The following NAALADL2 variants were observed in gnomAD, a reference collection of about 807,000 sequenced individuals.
NAALADL2 encodes the protein N-acetylated alpha-linked acidic dipeptidase like 2.
Under a neutral mutation model 87.2 loss-of-function variants are expected in NAALADL2, and 76 were observed. That is an observed-to-expected ratio of 0.87 (90% CI 0.72 to 1.05). The LOEUF is 1.05. Ranked by LOEUF, NAALADL2 falls within the 50% of genes least tolerant of loss-of-function variation. The pLI is 0.00. For synonymous variants in NAALADL2, 354 were observed against 331.0 expected (o/e 1.07, Z -0.75); for missense variants, 1,089 against 945.8 (o/e 1.15, Z -1.99).
intron 4 of NAALADL2, among the ~76,000 whole-genome samples, chr3:175,285,026 C>T (rs1754809910): frequency 6.6e-6 from 1 of 152,106 alleles, no homozygotes; most frequent in Non-Finnish European, 1.5e-5. Context: ...CTTTGCCTCC[C>T]ATATTATGTG....
chr3:175,366,113 G>T lies in NAALADL2; in HGVS notation c.1090+41788G>T, dbSNP rs1261410706. 1.2e-4 allele frequency among the ~76,000 whole-genome samples: 16 copies of T among 132,568 alleles called. 2 individuals carry two copies. Among genetic ancestry groups the T allele is most frequent in the Admixed American group, 3.4e-4 (4 of 11,816 alleles). The allele number at this position is 132,568 out of a possible 152,430, so 87.0% of individuals were successfully genotyped here. A position where few individuals can be genotyped will look rare whatever the true frequency, so the allele number is the denominator to read the frequency against. On this transcript the variant is annotated intron_variant, in intron 5 of 13. Transcript: ENST00000454872. Reference sequence around the variant, plus strand: ...TGTGAGTGAGAACATGCAGTGTTTGGTTTTTTGTCCTTGCGATAGTTTACT... The same window carrying T: ...TGTGAGTGAGAACATGCAGTGTTTGTTTTTTTGTCCTTGCGATAGTTTACT...
At chr3:175,386,926 G>A (rs974941046) in intron 5 of NAALADL2, among the ~76,000 whole-genome samples, 1 of 152,038 alleles carries the variant, frequency 6.6e-6, no homozygotes, top group African/African-American at 2.4e-5. Flanking sequence ...ATTTGGATAT[G>A]CCAAAGAGAA....
At position 174,866,811 on chromosome 3, in the gene NAALADL2, A is replaced by C. The variant is rs866711586; in HGVS notation, c.43+7361A>C. On this transcript the variant is annotated intron_variant, in intron 1 of 13. Transcript: ENST00000454872. ...GGTAAATAGGAATTTGGAGAAAAAGAAAAAAATTACTAAGAAAATATTAAT... is the reference window on the plus strand; with the variant it reads ...GGTAAATAGGAATTTGGAGAAAAAGCAAAAAATTACTAAGAAAATATTAAT... Among the ~76,000 whole-genome samples, 203 of 151,830 alleles carry C rather than the reference A, an allele frequency of 1.3e-3. 1 individual carries two copies. The highest frequency in any genetic ancestry group is 0.01 in the Middle Eastern group (3 of 294).
At chr3:174,899,877 G>T (rs1384520589) in intron 1 of NAALADL2, among the ~76,000 whole-genome samples, 1 of 139,404 alleles carries the variant, frequency 7.2e-6, no homozygotes, top group African/African-American at 2.7e-5. Context: ...AGTCCTGACA[G>T]TAAAAAAAAA....
intron 3 of NAALADL2, among the ~76,000 whole-genome samples, chr3:174,794,393 G>A (rs184882954): frequency 9.9e-5 from 15 of 152,102 alleles, no homozygotes; most frequent in African/African-American, 3.6e-4. Context: ...CTTCTCATAT[G>A]TATCCTTTAC....
At chr3:174,822,775 A>T (rs1202120696) in intron 3 of NAALADL2, among the ~76,000 whole-genome samples, 8 of 152,146 alleles carry the variant, frequency 5.3e-5, no homozygotes, top group Admixed American at 5.2e-4. Flanking sequence ...CAACTATGGG[A>T]ACTCTGAGGA....
intron 5 of NAALADL2, among the ~76,000 whole-genome samples, chr3:175,356,473 G>A (rs1301683325): frequency 1.3e-5 from 2 of 151,586 alleles, no homozygotes; most frequent in African/African-American, 4.8e-5. Context: ...TACTTGAGAG[G>A]TTGAGGTGGG....
Position 175,707,520 on chromosome 3 carries a change from T to C in NAALADL2, c.1897-29786T>C, listed in dbSNP as rs1042338150. On this transcript the variant is annotated intron_variant, in intron 11 of 13. Transcript: ENST00000454872. ...TTGTCATCTATTTCAAGACTTCTCA[T>C]CCATATTGCATAGATAAGGAAACTA... is the stretch of plus-strand genomic sequence containing the variant. Among the ~76,000 whole-genome samples the C allele has an allele frequency of 3.3e-5, 5 of 152,206 alleles. No individual in the cohort carries two copies. The East Asian group carries it at 9.7e-4, about 29-fold the overall frequency.
chr3:174,986,351 G>A (rs183984716), intron 1 of NAALADL2, among the ~76,000 whole-genome samples: 1 of 146,520 alleles, frequency 6.8e-6, no homozygotes, highest in Non-Finnish European at 1.5e-5. Flanking sequence ...AAGGATTATT[G>A]TTATATTTTG....
At chr3:175,769,340 T>A (rs917319638) in intron 13 of NAALADL2, among the ~76,000 whole-genome samples, 1 of 152,156 alleles carries the variant, frequency 6.6e-6, no homozygotes, top group African/African-American at 2.4e-5. Context: ...AAATATGTAA[T>A]CACAAACTTT....
intron 2 of NAALADL2, among the ~76,000 whole-genome samples, chr3:175,160,383 TTTTTTG>T: frequency 7.2e-6 from 1 of 138,346 alleles, no homozygotes; most frequent in African/African-American, 2.7e-5. Context: ...TTTTTTTTTT[TTTTTTG>T]AGTTAGAGGT....
intron 2 of NAALADL2, among the ~76,000 whole-genome samples, chr3:174,678,654 C>T (rs1275115032): frequency 6.6e-6 from 1 of 152,104 alleles, no homozygotes; most frequent in Non-Finnish European, 1.5e-5. Context: ...TATGATAAGC[C>T]TGTGAAAATG....
intron 5 of NAALADL2, among the ~76,000 whole-genome samples, chr3:175,427,642 A>G (rs1040042240): frequency 2.6e-5 from 4 of 152,212 alleles, no homozygotes; most frequent in Non-Finnish European, 5.9e-5. Context: ...TTCTCTCTGA[A>G]TAGCCATCAT....
At chr3:175,309,607 G>A (rs890921482) in intron 4 of NAALADL2, among the ~76,000 whole-genome samples, 1 of 147,540 alleles carries the variant, frequency 6.8e-6, no homozygotes. Context: ...CAGGATAACT[G>A]TTTTTTTTTT....
In NAALADL2 at chr3:174,945,874, GTC is replaced by G. The variant is rs539025926; in HGVS notation, c.43+86428_43+86429del. The stretch of plus-strand genomic sequence containing the variant: ...CATCCTGGCTAACACGGTGAAACCA[GTC>G]TCTACTAAAAATACAAAATATTAGC... On this transcript the variant is annotated intron_variant, in intron 1 of 13. Coordinates refer to ENST00000454872, the MANE Select transcript of NAALADL2 (RefSeq NM_207015.3). Among the ~76,000 whole-genome samples the G allele has an allele frequency of 4.0e-3, 606 of 151,928 alleles. 5 individuals carry two copies. The highest frequency in any genetic ancestry group is 0.014 in the African/African-American group (567 of 41,428).
intron 1 of NAALADL2, among the ~76,000 whole-genome samples, chr3:174,950,610 A>AG (rs1740196926): frequency 1.3e-5 from 2 of 152,080 alleles, no homozygotes; most frequent in Admixed American, 1.3e-4. Flanking sequence ...AAGAGTTCAA[A>AG]GCCTTTTTTT....
At chr3:174,945,889 AC>A (rs1480414287) in intron 1 of NAALADL2, among the ~76,000 whole-genome samples, 1 of 151,978 alleles carries the variant, frequency 6.6e-6, no homozygotes, top group Non-Finnish European at 1.5e-5. Flanking sequence ...TACTAAAAAT[AC>A]AAAATATTAG....
At chr3:174,999,158 G>T (rs1194601428) in intron 1 of NAALADL2, among the ~76,000 whole-genome samples, 1 of 152,046 alleles carries the variant, frequency 6.6e-6, no homozygotes, top group East Asian at 1.9e-4. Flanking sequence ...AAATAACATT[G>T]TTAATAATGC....
chr3:175,161,333 A>C (rs575361542), intron 2 of NAALADL2, among the ~76,000 whole-genome samples: 2 of 152,270 alleles, frequency 1.3e-5, no homozygotes, highest in African/African-American at 4.8e-5. Context: ...GAAAAAAAAA[A>C]GATTGAAAGA....
Sources: gnomAD v4.1 joint callset for allele counts (sites outside exome capture counted in the v4.1 genomes callset) on GRCh38, gnomAD v4.1.1 for gene constraint, MANE v1.5 for transcripts, NCBI Gene and HGNC (gene_info 2026-07-23, HGNC 2026-07-21) for gene names.